Variants in ZNF385D observed in about 807,000 individuals in gnomAD.
ZNF385D encodes zinc finger protein 385D.
In ZNF385D, 15 loss-of-function variants were observed where a neutral mutation model predicts 35.8. The ratio of observed to expected loss-of-function variants is 0.42; its 90% CI spans 0.28 to 0.64. The LOEUF (loss-of-function observed/expected upper bound fraction) is 0.64. ZNF385D is among the 30% of genes least tolerant of loss of function. The pLI is 0.23. For missense variants in ZNF385D, 474 were observed against 494.6 expected (o/e 0.96, Z 0.39); for synonymous variants, 212 against 186.8 (o/e 1.13, Z -1.10).
chr3:22,368,936 T>C (rs1696781075), intron 2 of ZNF385D, among the ~76,000 whole-genome samples: 1 of 152,218 alleles, frequency 6.6e-6, no homozygotes, highest in Non-Finnish European at 1.5e-5. Context: ...GTGTGTCATC[T>C]ACTTGTTCAA....
In ZNF385D at chr3:21,646,797, A is replaced by G. The variant is rs1256536833; in HGVS notation, c.165+18089T>C. 6.6e-6 allele frequency among the ~76,000 whole-genome samples: 1 copy of G among 152,170 alleles called. No homozygotes were observed. Among genetic ancestry groups the G allele is most frequent in the African/African-American group, 2.4e-5 (1 of 41,452 alleles). On this transcript the variant is annotated intron_variant, in intron 2 of 7. Transcript: ENST00000281523. The surrounding 1 kb of genome is among the most constrained non-coding windows in gnomAD (Gnocchi z 4.3). ...CATTCTGGGCCTATGGCTTTCATACATTCGGTCACAAATAGAAAGCAATGT... is the reference window on the plus strand; with the variant it reads ...CATTCTGGGCCTATGGCTTTCATACGTTCGGTCACAAATAGAAAGCAATGT...
At chr3:22,074,393 C>T (rs1700369881) in intron 3 of ZNF385D, among the ~76,000 whole-genome samples, 1 of 151,996 alleles carries the variant, frequency 6.6e-6, no homozygotes. Flanking sequence ...GAAGCCAACT[C>T]TTAATTTTTC....
chr3:22,325,667 G>C (rs1317123163), intron 2 of ZNF385D, among the ~76,000 whole-genome samples: 1 of 152,050 alleles, frequency 6.6e-6, no homozygotes, highest in Non-Finnish European at 1.5e-5. Context: ...GCTGAGGCAG[G>C]AGAATTGGTT....
intron 4 of ZNF385D, among the ~76,000 whole-genome samples, chr3:21,449,092 G>GA (rs34551871): frequency 2.6e-5 from 4 of 151,480 alleles, no homozygotes; most frequent in Non-Finnish European, 4.4e-5. Flanking sequence ...ATATATTTAA[G>GA]AAAAAAATGA....
chr3:21,730,113 C>T (rs543546678), intron 1 of ZNF385D, among the ~76,000 whole-genome samples: 6 of 152,224 alleles, frequency 3.9e-5, no homozygotes, highest in East Asian at 1.9e-4. Context: ...GACAGACACA[C>T]GCATCCAGGG....
At chr3:21,554,248 G>A (rs1460963538) in intron 3 of ZNF385D, among the ~76,000 whole-genome samples, 1 of 152,158 alleles carries the variant, frequency 6.6e-6, no homozygotes, top group African/African-American at 2.4e-5. Flanking sequence ...TGTAGTGTTA[G>A]CAGGCATAAA....
intron 3 of ZNF385D, among the ~76,000 whole-genome samples, chr3:22,094,922 T>C (rs1701532373): frequency 6.6e-6 from 1 of 152,024 alleles, no homozygotes; most frequent in South Asian, 2.1e-4. Context: ...TCTCTATCTC[T>C]TTTTTCATGG....
intron 3 of ZNF385D, among the ~76,000 whole-genome samples, chr3:21,795,503 T>C (rs1043978442): frequency 3.3e-5 from 5 of 152,224 alleles, no homozygotes; most frequent in African/African-American, 4.8e-5. Flanking sequence ...AGGGAGACAA[T>C]GTACTTTTTA....
intron 2 of ZNF385D, among the ~76,000 whole-genome samples, chr3:22,368,611 T>C (rs1341829083): frequency 1.3e-5 from 2 of 152,172 alleles, no homozygotes; most frequent in Admixed American, 6.5e-5. Flanking sequence ...GTGGGCCCTC[T>C]TCCTGGTCTG....
chr3:22,042,789 A>G (rs750884419), intron 3 of ZNF385D, among the ~76,000 whole-genome samples: 9 of 152,214 alleles, frequency 5.9e-5, no homozygotes, highest in Non-Finnish European at 1.5e-5. Flanking sequence ...GATTTTGCTT[A>G]TAGCTCAGAA....
chr3:21,808,704 T>C (rs2072766105), intron 3 of ZNF385D, among the ~76,000 whole-genome samples: 1 of 152,196 alleles, frequency 6.6e-6, no homozygotes, highest in African/African-American at 2.4e-5. Context: ...GGAAGGGTTA[T>C]GGACAGGAGT....
intron 2 of ZNF385D, among the ~76,000 whole-genome samples, chr3:22,211,765 A>G (rs1434336488): frequency 6.6e-6 from 1 of 151,960 alleles, no homozygotes; most frequent in Admixed American, 6.6e-5. Context: ...CCTGACTGTC[A>G]TATTTCTTGA....
intron 1 of ZNF385D, among the ~76,000 whole-genome samples, chr3:21,736,099 G>A (rs879054442): frequency 6.6e-6 from 1 of 152,164 alleles, no homozygotes; most frequent in Admixed American, 6.5e-5. Context: ...TCCTTGGTGG[G>A]AAACTTAACC....
At chr3:22,305,328 T>C (rs1240585452) in intron 2 of ZNF385D, among the ~76,000 whole-genome samples, 5 of 152,168 alleles carry the variant, frequency 3.3e-5, no homozygotes, top group Admixed American at 3.3e-4. Context: ...TTTAAAAAAT[T>C]CTTTATTTAA....
At chr3:21,976,896 G>T (rs923196165) in intron 3 of ZNF385D, among the ~76,000 whole-genome samples, 1 of 152,178 alleles carries the variant, frequency 6.6e-6, no homozygotes, top group Non-Finnish European at 1.5e-5. Context: ...GCTGAGGAAG[G>T]AGAATTGTTT....
chr3:22,296,814 G>C (rs1388440948), intron 2 of ZNF385D, among the ~76,000 whole-genome samples: 1 of 152,140 alleles, frequency 6.6e-6, no homozygotes, highest in African/African-American at 2.4e-5. Flanking sequence ...GGCTTCTCTG[G>C]AGAGCAAAAG....
At chr3:21,657,502 G>C (rs189007875) in intron 2 of ZNF385D, among the ~76,000 whole-genome samples, 3 of 152,034 alleles carry the variant, frequency 2.0e-5, no homozygotes, top group Admixed American at 1.3e-4. Context: ...AATGAAAGAA[G>C]ACTTCATAAG....
chr3:21,481,296 T>C (rs1451782489), intron 4 of ZNF385D, among the ~76,000 whole-genome samples: 1 of 152,204 alleles, frequency 6.6e-6, no homozygotes, highest in Non-Finnish European at 1.5e-5. Flanking sequence ...AATACATAAA[T>C]GCAGATATTG....
In ZNF385D at chr3:21,646,254, G is replaced by C; in HGVS notation, c.165+18632C>G. Among the ~76,000 whole-genome samples, 1 of 152,180 alleles carries C rather than the reference G, an allele frequency of 6.6e-6. No individual in the cohort carries two copies. Among genetic ancestry groups the C allele is most frequent in the East Asian group, 1.9e-4 (1 of 5,172 alleles). On this transcript the variant is annotated intron_variant, in intron 2 of 7. Coordinates refer to ENST00000281523, the MANE Select transcript of ZNF385D (RefSeq NM_024697.3). This position sits in a 1 kb window ranked among gnomAD's most constrained non-coding sequence, Gnocchi z 4.3. ...TTTTGATTATGGTTAAGTAAATGAA[G>C]AGGAGAGGAAACTGTCATACTTATG... is the stretch of plus-strand genomic sequence containing the variant.
Sources: allele counts gnomAD v4.1 joint callset (sites outside exome capture counted in the v4.1 genomes callset), GRCh38; gene constraint gnomAD v4.1.1; non-coding constraint Gnocchi (gnomAD v3.1); transcripts MANE v1.5; gene names NCBI Gene and HGNC (gene_info 2026-07-23, HGNC 2026-07-21).